The following STK38 variants were observed in gnomAD, a reference collection of about 807,000 sequenced individuals.
The protein encoded by STK38 is serine/threonine kinase 38.
Under a neutral mutation model 59.0 loss-of-function variants are expected in STK38, and 26 were observed. That is an observed-to-expected ratio of 0.44 (90% CI 0.32 to 0.61). The LOEUF is 0.61. Ranked by LOEUF, STK38 falls within the 20% of genes least tolerant of loss-of-function variation. The probability of loss-of-function intolerance (pLI) is 0.04; values close to 1 mark genes in which losing one functional copy is unlikely to be tolerated. For missense variants in STK38, 433 were observed against 566.0 expected, an observed-to-expected ratio of 0.76 and a Z score of 2.38; for synonymous variants, 175 against 176.6, an observed-to-expected ratio of 0.99 and a Z score of 0.07.
rs114651768 is a variant in STK38 at position 36,534,528 on chromosome 6, C to T, written c.131+5544G>A. Among the ~76,000 whole-genome samples the T allele has an allele frequency of 5.8e-3, 876 of 152,094 alleles. 8 individuals carry two copies. Among genetic ancestry groups the T allele is most frequent in the African/African-American group, 0.02 (831 of 41,490 alleles). ...ATTAGCCAGGTGTGGTGGCACATAC[C>T]TATATTCCCAGCTACTCGTAAGGCT... On this transcript the variant is annotated intron_variant, in intron 2 of 13. Coordinates refer to ENST00000229812, the MANE Select transcript of STK38 (RefSeq NM_007271.4).
intron 6 of STK38, 28 bp downstream of exon 6, chr6:36,517,689 A>T: frequency 6.2e-7 from 1 of 1,607,478 alleles, no homozygotes; most frequent in Non-Finnish European, 8.5e-7. Flanking sequence ...CAAAAAGAAA[A>T]AATGACCTTT....
intron 12 of STK38, 34 bp from the exon 13 acceptor site, chr6:36,496,839 T>A (rs753654586): frequency 6.6e-7 from 1 of 1,506,502 alleles, no homozygotes; most frequent in South Asian, 1.1e-5. Flanking sequence ...AATTACTAAG[T>A]TAGTAATCAA....
intron 12 of STK38, among the ~76,000 whole-genome samples, chr6:36,497,341 T>C (rs958285256): frequency 6.6e-6 from 1 of 152,238 alleles, no homozygotes; most frequent in Non-Finnish European, 1.5e-5. Context: ...CGTAGTCTAC[T>C]ACCCCCACCA....
chr6:36,532,884 G>A (rs1777700151), intron 2 of STK38, among the ~76,000 whole-genome samples: 1 of 151,862 alleles, frequency 6.6e-6, no homozygotes, highest in African/African-American at 2.4e-5. Context: ...GGGCAAAAGA[G>A]CAAAACTCCG....
intron 1 of STK38, among the ~76,000 whole-genome samples, chr6:36,541,831 C>CTT (rs58320889): frequency 2.9e-5 from 4 of 135,938 alleles, no homozygotes; most frequent in Non-Finnish European, 4.7e-5. Flanking sequence ...TTTTCTTTTT[C>CTT]TTTTTTTTTT....
At chr6:36,527,207 A>AAAAAAAAAAAAAAAAAAAAAATATAT (rs60162863) in intron 2 of STK38, among the ~76,000 whole-genome samples, 1 of 119,356 alleles carries the variant, frequency 8.4e-6, no homozygotes, top group African/African-American at 3.5e-5. Flanking sequence ...AAAAAAAAAA[A>AAAAAAAAAAAAAAAAAAAAAATATAT]ATATATGTAT....
chr6:36,503,566 T>C (rs947897278), intron 9 of STK38, among the ~76,000 whole-genome samples: 5 of 152,138 alleles, frequency 3.3e-5, no homozygotes, highest in Non-Finnish European at 5.9e-5. Context: ...GAATTTTCAT[T>C]CTAATCATAA....
rs201073929 is a variant in STK38 at position 36,515,334 on chromosome 6, A to G, written c.669+4T>C. ...CATAGTTCATGCCAATGCCCCCCCA[A>G]TACCTTGCTGTCCAAAAGAAGGTTG... On this transcript the variant is annotated splice_donor_region_variant and intron_variant, in intron 7 of 13. Coordinates refer to ENST00000229812, the MANE Select transcript of STK38 (RefSeq NM_007271.4). 21 of 1,613,668 alleles carry G rather than the reference A, an allele frequency of 1.3e-5. No individual in the cohort carries two copies. Among genetic ancestry groups the G allele is most frequent in the African/African-American group, 9.3e-5 (7 of 74,962 alleles).
chr6:36,525,736 T>C, intron 2 of STK38, 94 bp from the exon 3 acceptor site: 3 of 987,056 alleles, frequency 3.0e-6, no homozygotes. Context: ...TTTTTAAAAA[T>C]GACACAAACA....
intron 5 of STK38, among the ~76,000 whole-genome samples, chr6:36,519,726 G>A (rs142738763): frequency 1.6e-3 from 242 of 152,236 alleles, no homozygotes; most frequent in Non-Finnish European, 3.0e-3. Flanking sequence ...TAAGGTGGGG[G>A]GTGCTAGTTG....
intron 5 of STK38, among the ~76,000 whole-genome samples, chr6:36,521,319 C>T (rs1265779483): frequency 2.0e-5 from 3 of 152,010 alleles, no homozygotes; most frequent in African/African-American, 7.2e-5. Flanking sequence ...TATAAAGACA[C>T]ATTTTAGATT....
Position 36,535,205 on chromosome 6 carries a change from A to C in STK38, c.131+4867T>G, listed in dbSNP as rs146244652. On this transcript the variant is annotated intron_variant, in intron 2 of 13. Transcript: ENST00000229812. ...AGTAGCTCATGCCTGTAATCCCAGCACTTTGGGAGGAGGCGGGTGGATCAC... is the reference window on the plus strand; with the variant it reads ...AGTAGCTCATGCCTGTAATCCCAGCCCTTTGGGAGGAGGCGGGTGGATCAC... Among the ~76,000 whole-genome samples, 1,000 of 152,296 alleles carry C rather than the reference A, an allele frequency of 6.6e-3. 8 individuals carry two copies. Among genetic ancestry groups the C allele is most frequent in the African/African-American group, 0.021 (880 of 41,562 alleles).
At chr6:36,536,118 A>C (rs896756333) in intron 2 of STK38, among the ~76,000 whole-genome samples, 1 of 152,244 alleles carries the variant, frequency 6.6e-6, no homozygotes, top group South Asian at 2.1e-4. Flanking sequence ...ACAGAAAAAG[A>C]AAGCCCAGAA....
intron 4 of STK38, among the ~76,000 whole-genome samples, chr6:36,523,499 A>G (rs1777433619): frequency 6.7e-6 from 1 of 150,324 alleles, no homozygotes; most frequent in African/African-American, 2.5e-5. Context: ...TGACCTTGTG[A>G]TCCGCCCGCC....
chr6:36,511,997 C>T (rs1346308789), intron 7 of STK38, among the ~76,000 whole-genome samples: 1 of 152,054 alleles, frequency 6.6e-6, no homozygotes, highest in Non-Finnish European at 1.5e-5. Context: ...AGGCAGAAGT[C>T]ACAGTGAGCC....
At chr6:36,542,052 C>G (rs564300657) in intron 1 of STK38, among the ~76,000 whole-genome samples, 1 of 152,000 alleles carries the variant, frequency 6.6e-6, no homozygotes, top group South Asian at 2.1e-4. Flanking sequence ...TCAGGCTGGT[C>G]TCAAACTCTT....
chr6:36,497,660 C>T, intron 12 of STK38, 120 bp downstream of exon 12: 1 of 772,622 alleles, frequency 1.3e-6, no homozygotes, highest in Non-Finnish European at 2.1e-6. Context: ...AGGAAAAGAC[C>T]CTAAATCTCT....
intron 9 of STK38, among the ~76,000 whole-genome samples, chr6:36,503,228 GT>G (rs1161043821): frequency 2.6e-5 from 4 of 151,768 alleles, no homozygotes; most frequent in African/African-American, 7.3e-5. Flanking sequence ...TATATAGAAG[GT>G]TTTTTTTCCT....
chr6:36,502,329 C>T (rs2127468239), intron 9 of STK38, among the ~76,000 whole-genome samples: 1 of 152,102 alleles, frequency 6.6e-6, no homozygotes, highest in East Asian at 1.9e-4. Flanking sequence ...TTTGCATTTA[C>T]TTTATTTCAA....
Sources: allele counts gnomAD v4.1 joint callset (sites outside exome capture counted in the v4.1 genomes callset), GRCh38; gene constraint gnomAD v4.1.1; transcripts MANE v1.5; gene names NCBI Gene and HGNC (gene_info 2026-07-23, HGNC 2026-07-21).